SPTAN1: variants seen among roughly 807,000 people sequenced by gnomAD.
SPTAN1 encodes spectrin alpha, non-erythrocytic 1.
In SPTAN1, 61 loss-of-function variants were observed where a neutral mutation model predicts 331.3. That is an observed-to-expected ratio of 0.18 (90% CI 0.15 to 0.23). The LOEUF (loss-of-function observed/expected upper bound fraction) is 0.23, where lower values mean the gene tolerates loss of function less well. SPTAN1 is among the 10% of genes least tolerant of loss of function. The pLI is 1.00. For missense variants in SPTAN1, 2,043 were observed against 3,147.9 expected (o/e 0.65, Z 8.40); for synonymous variants, 1,153 against 1,173.9 (o/e 0.98, Z 0.36).
rs748332117 is a variant in SPTAN1 at position 128,633,368 on chromosome 9, G to C, written c.*34G>C. On this transcript the variant is annotated 3_prime_UTR_variant, in exon 57 of 57. Coordinates refer to ENST00000372739, the MANE Select transcript of SPTAN1 (RefSeq NM_001130438.3). ...CTGGGTCACCCACCCCTCGCTGCTT[G>C]CCCTGCGTCGCCTTGCTGCATGTCC... 2 of 1,613,014 alleles carry C rather than the reference G, an allele frequency of 1.2e-6. No homozygotes were observed. The highest frequency in any genetic ancestry group is 3.3e-5 in the Admixed American group (2 of 60,016).
At chr9:128,618,519 T>C (rs1464898107) in intron 43 of SPTAN1, among the ~76,000 whole-genome samples, 1 of 152,080 alleles carries the variant, frequency 6.6e-6, no homozygotes, top group African/African-American at 2.4e-5. Flanking sequence ...GGGGTCTTGC[T>C]GTCACCCAGG....
At chr9:128,587,354 G>A (rs1237211631) in intron 19 of SPTAN1, among the ~76,000 whole-genome samples, 1 of 152,156 alleles carries the variant, frequency 6.6e-6, no homozygotes, top group South Asian at 2.1e-4. Flanking sequence ...CAAAGTGCTG[G>A]GATTACAGGC....
chr9:128,631,800 AC>A (rs948125339), intron 52 of SPTAN1: 34 of 349,540 alleles, frequency 9.7e-5, no homozygotes, highest in African/African-American at 7.2e-4. Context: ...AGCCTAGGCG[AC>A]AGTGAGACTC....
rs1859272462 is a variant in SPTAN1, at chr9:128,629,205, T to A, written c.6708-1116T>A. 13 of 398,690 alleles carry A rather than the reference T, an allele frequency of 3.3e-5. No homozygotes were observed. The East Asian group carries it at 4.6e-4, about 14-fold the overall frequency. The allele number at this position is 398,690 out of a possible 1,614,324, so 24.7% of individuals were successfully genotyped here. A position where few individuals can be genotyped will look rare whatever the true frequency, so the allele number is the denominator to read the frequency against. ...TCTGGAAGGTTTTTCTCCTTATTTC[T>A]CTTCTTACCTCACTGTGGCTTTACT... is the stretch of plus-strand genomic sequence containing the variant. On this transcript the variant is annotated intron_variant, in intron 51 of 56. Coordinates refer to ENST00000372739, the MANE Select transcript of SPTAN1 (RefSeq NM_001130438.3). This position sits in a 1 kb window ranked among gnomAD's most constrained non-coding sequence, Gnocchi z 4.9.
chr9:128,598,929 T>C (rs1401877961), intron 25 of SPTAN1, 34 bp from the exon 26 acceptor site: 22 of 1,604,290 alleles, frequency 1.4e-5, no homozygotes, highest in Non-Finnish European at 3.4e-6. Context: ...GTATTTCTTC[T>C]AATAATAAAA....
At chr9:128,610,820 A>T (rs1293439617) in intron 37 of SPTAN1, among the ~76,000 whole-genome samples, 1 of 152,190 alleles carries the variant, frequency 6.6e-6, no homozygotes, top group Non-Finnish European at 1.5e-5. Context: ...ACAGTATCCC[A>T]GTGTTTTGAT....
At chr9:128,618,246 C>G (rs1361081477) in intron 43 of SPTAN1, 138 bp downstream of exon 43, 1 of 1,327,236 alleles carries the variant, frequency 7.5e-7, no homozygotes. Flanking sequence ...AGTCGGTTTG[C>G]TCCAGAGCCA....
chr9:128,633,322 T>G lies in SPTAN1; in HGVS notation c.7422T>G (p.Leu2474=), dbSNP rs1471135318. Residue 2474 remains leucine (L), a synonymous_variant, in exon 57 of 57, where the codon CTT becomes CTG. Transcript: ENST00000372739. ...AFDYVEFTRS[L]FVN ...ACTACGTGGAGTTCACCCGCTCGCTTTTCGTGAACTGAGCCACTCCCTGGG... is the reference window on the plus strand; with the variant it reads ...ACTACGTGGAGTTCACCCGCTCGCTGTTCGTGAACTGAGCCACTCCCTGGG... The G allele has an allele frequency of 6.2e-7, 1 of 1,613,886 alleles. No homozygotes were observed. The highest frequency in any genetic ancestry group is 8.5e-7 in the Non-Finnish European group (1 of 1,180,016).
At chr9:128,609,530 T>TA (rs1856331418) in intron 36 of SPTAN1, 121 bp from the exon 37 acceptor site, 1 of 980,706 alleles carries the variant, frequency 1.0e-6, no homozygotes, top group Admixed American at 2.6e-5. Flanking sequence ...CCCCTTCTAT[T>TA]ACTGTTCCCA....
At chr9:128,630,197 T>TA (rs1859470658) in intron 51 of SPTAN1, 124 bp from the exon 52 acceptor site, 1 of 1,014,660 alleles carries the variant, frequency 9.9e-7, no homozygotes, top group African/African-American at 1.6e-5. Context: ...CAGTTGCAGT[T>TA]AGGTTTGGTT....
At chr9:128,576,528 A>G (rs1851322366) in intron 5 of SPTAN1, among the ~76,000 whole-genome samples, 1 of 152,210 alleles carries the variant, frequency 6.6e-6, no homozygotes, top group Non-Finnish European at 1.5e-5. Context: ...TAAAGTTACC[A>G]CACAGTTGTT....
At position 128,556,923 on chromosome 9, in the gene SPTAN1, G is replaced by A. The variant is rs138463763; in HGVS notation, c.-4+4227G>A. ...TTTTATGAGTGCTAATCAATTCTTT[G>A]GTGGTTTGTTCTTAGGGAAGCCCTT... is the stretch of plus-strand genomic sequence containing the variant. On this transcript the variant is annotated intron_variant, in intron 1 of 56. Transcript: ENST00000372739. Among the ~76,000 whole-genome samples the A allele has an allele frequency of 6.6e-3, 1,011 of 152,202 alleles. 10 individuals carry two copies. Among genetic ancestry groups the A allele is most frequent in the African/African-American group, 0.023 (941 of 41,520 alleles).
rs1462279694 is a variant in SPTAN1 at position 128,576,898 on chromosome 9, C to G, written c.727C>G (p.Leu243Val). The part of the protein sequence containing the change: ...VNAAWQRLKG[L>V]ALQRQGKLFG... ...TGCAGCCTGGCAGCGGCTGAAGGGC[C>G]TGGCTCTGCAGAGGCAGGGGAAGCT... Residue 243 changes from leucine to valine, a missense_variant, in exon 6 of 57, where the codon CTG becomes GTG. Leu to Val is a conservative substitution (Grantham distance 32, BLOSUM62 1). Coordinates refer to ENST00000372739, the MANE Select transcript of SPTAN1 (RefSeq NM_001130438.3). 3.1e-6 allele frequency: 5 copies of G among 1,614,138 alleles called. No homozygotes were observed. Among genetic ancestry groups the G allele is most frequent in the Non-Finnish European group, 4.2e-6 (5 of 1,180,042 alleles).
At chr9:128,598,364 T>G in intron 24 of SPTAN1, 36 bp from the exon 25 acceptor site, 2 of 1,542,904 alleles carry the variant, frequency 1.3e-6, no homozygotes, top group Non-Finnish European at 8.9e-7. Context: ...TGGCTTGCTA[T>G]TTTGGGTTTT....
chr9:128,622,693 G>T (rs909370815), intron 45 of SPTAN1, among the ~76,000 whole-genome samples: 24 of 152,024 alleles, frequency 1.6e-4, no homozygotes, highest in African/African-American at 5.3e-4. Flanking sequence ...CTTTCCACAG[G>T]TGTTAAAGAA....
chr9:128,600,118 A>G lies in SPTAN1; in HGVS notation c.3579+3A>G. The G allele has an allele frequency of 6.2e-7, 1 of 1,614,174 alleles. No individual in the cohort carries two copies. Among genetic ancestry groups the G allele is most frequent in the Non-Finnish European group, 8.5e-7 (1 of 1,179,984 alleles). On this transcript the variant is annotated splice_donor_region_variant and intron_variant, in intron 27 of 56. Coordinates refer to ENST00000372739, the MANE Select transcript of SPTAN1 (RefSeq NM_001130438.3). ...CCAAGACAGCCTCCCCGTGGAAGGTAAGAACTCCTTTGCAAATTATTGTTT... is the reference window on the plus strand; with the variant it reads ...CCAAGACAGCCTCCCCGTGGAAGGTGAGAACTCCTTTGCAAATTATTGTTT...
At chr9:128,574,915 C>T (rs1379935073) in intron 4 of SPTAN1, 100 bp downstream of exon 4, 1 of 1,553,210 alleles carries the variant, frequency 6.4e-7, no homozygotes, top group Non-Finnish European at 8.9e-7. Context: ...ACAGATACGG[C>T]CATTTTAAGT....
Position 128,593,013 on chromosome 9 carries a change from A to G in SPTAN1, c.3186A>G (p.Val1062=), listed in dbSNP as rs372807389. The part of the protein sequence containing the change: ...QTRITKEAGS[V]SLRMKQVEEL... ...GCATAACTAAGGAGGCCGGCAGTGT[A>G]TCTCTGCGTATGAAGCAGGTGGAAG... is the stretch of plus-strand genomic sequence containing the variant. The change falls in exon 23 of 57, where the codon GTA becomes GTG. Residue 1062 remains valine, a synonymous_variant. Coordinates refer to ENST00000372739, the MANE Select transcript of SPTAN1 (RefSeq NM_001130438.3). The G allele has an allele frequency of 6.2e-7, 1 of 1,610,480 alleles. No individual in the cohort carries two copies. The highest frequency in any genetic ancestry group is 2.2e-5 in the East Asian group (1 of 44,846).
At chr9:128,628,023 G>C in intron 51 of SPTAN1, 81 bp downstream of exon 51, 1 of 1,568,684 alleles carries the variant, frequency 6.4e-7, no homozygotes, top group Non-Finnish European at 8.8e-7. Context: ...GCTTGTGGAG[G>C]ATCCCGGGAT....
Sources: allele counts gnomAD v4.1 joint callset (sites outside exome capture counted in the v4.1 genomes callset), GRCh38; gene constraint gnomAD v4.1.1; non-coding constraint Gnocchi (gnomAD v3.1); transcripts MANE v1.5; gene names NCBI Gene and HGNC (gene_info 2026-07-23, HGNC 2026-07-21).